Variants in EPHA5 observed in about 807,000 individuals in gnomAD.
EPHA5 encodes ephrin type-A receptor 5.
Under a neutral mutation model 105.0 loss-of-function variants are expected in EPHA5, and 60 were observed. The ratio of observed to expected loss-of-function variants is 0.57; its 90% CI spans 0.46 to 0.71. The LOEUF (loss-of-function observed/expected upper bound fraction) is 0.71, where lower values mean the gene tolerates loss of function less well. EPHA5 is among the 30% of genes least tolerant of loss of function. The pLI, the probability that EPHA5 is intolerant of heterozygous loss-of-function variation, is 0.00. For missense variants in EPHA5, 1,218 were observed against 1,274.7 expected, an observed-to-expected ratio of 0.96 and a Z score of 0.68; for synonymous variants, 513 against 449.1, an observed-to-expected ratio of 1.14 and a Z score of -1.80.
intron 3 of EPHA5, among the ~76,000 whole-genome samples, chr4:65,547,682 T>G (rs531791678): frequency 2.6e-4 from 39 of 152,228 alleles, no homozygotes; most frequent in African/African-American, 9.1e-4. Context: ...TGAGAAACTT[T>G]CCCTAGGAGT....
chr4:65,334,807 G>GA (rs1721015683), intron 15 of EPHA5, among the ~76,000 whole-genome samples: 1 of 130,940 alleles, frequency 7.6e-6, no homozygotes, highest in African/African-American at 2.8e-5. Flanking sequence ...TAGAACATAA[G>GA]TTTTTTTTTA....
intron 2 of EPHA5, among the ~76,000 whole-genome samples, chr4:65,641,134 T>C (rs746156470): frequency 1.2e-4 from 19 of 152,142 alleles, no homozygotes; most frequent in Non-Finnish European, 2.2e-4. Context: ...TTCTCTGAAA[T>C]TGAGGCTGGG....
intron 5 of EPHA5, among the ~76,000 whole-genome samples, chr4:65,481,780 A>T (rs555580962): frequency 3.3e-5 from 5 of 152,342 alleles, no homozygotes; most frequent in Admixed American, 6.5e-5. Context: ...AAAGGATTTT[A>T]ATTCAAGCTG....
intron 2 of EPHA5, among the ~76,000 whole-genome samples, chr4:65,627,368 G>GT (rs1746244889): frequency 6.6e-6 from 1 of 152,158 alleles, no homozygotes; most frequent in South Asian, 2.1e-4. Context: ...AATGCTGCAA[G>GT]TAGAGAAATC....
At chr4:65,572,763 G>T (rs1178683847) in intron 3 of EPHA5, among the ~76,000 whole-genome samples, 1 of 152,196 alleles carries the variant, frequency 6.6e-6, no homozygotes, top group Non-Finnish European at 1.5e-5. Context: ...GGGCGTGGTG[G>T]CTCACGCCTA....
chr4:65,620,065 T>A (rs1745577987), intron 2 of EPHA5, among the ~76,000 whole-genome samples: 1 of 148,410 alleles, frequency 6.7e-6, no homozygotes, highest in Non-Finnish European at 1.5e-5. Context: ...TTCTTTGGAA[T>A]CTACACCAAA....
chr4:65,600,348 G>C (rs756762185), intron 3 of EPHA5, among the ~76,000 whole-genome samples: 31 of 152,032 alleles, frequency 2.0e-4, no homozygotes, highest in Non-Finnish European at 3.8e-4. Flanking sequence ...TACTTGTGTA[G>C]ATATAAAATC....
At chr4:65,492,714 T>A (rs926667550) in intron 4 of EPHA5, among the ~76,000 whole-genome samples, 1 of 152,140 alleles carries the variant, frequency 6.6e-6, no homozygotes, top group Admixed American at 6.5e-5. Context: ...TGTATTTGCT[T>A]TGCTTTACTA....
rs1433867734 is a variant in EPHA5, at chr4:65,321,511, T to G, written c.*2603A>C. ...TCTTTTTTAGGGAGAGTACTTGTTG[T>G]TTGACAGTCTCTTTATTCATTCTAA... On this transcript the variant is annotated 3_prime_UTR_variant, in exon 17 of 17. Transcript: ENST00000613740. 8.7e-6 allele frequency: 2 copies of G among 228,988 alleles called. No individual in the cohort carries two copies. Among genetic ancestry groups the G allele is most frequent in the Non-Finnish European group, 1.7e-5 (2 of 115,360 alleles). 14.2% of individuals were successfully genotyped at this position (228,988 alleles called of 1,614,324 possible).
chr4:65,455,625 G>C (rs545445260), intron 5 of EPHA5, among the ~76,000 whole-genome samples: 1 of 151,964 alleles, frequency 6.6e-6, no homozygotes. Context: ...TCTGAACTTT[G>C]TTTCTATTTC....
chr4:65,441,183 A>G (rs1282021738), intron 5 of EPHA5, among the ~76,000 whole-genome samples: 2 of 152,030 alleles, frequency 1.3e-5, no homozygotes, highest in East Asian at 3.9e-4. Flanking sequence ...TACCATCAGC[A>G]CCTTTAATAA....
At chr4:65,541,798 T>A (rs1465072682) in intron 3 of EPHA5, among the ~76,000 whole-genome samples, 1 of 152,010 alleles carries the variant, frequency 6.6e-6, no homozygotes, top group Non-Finnish European at 1.5e-5. Flanking sequence ...TACATTCTTC[T>A]CAGTGCCACA....
chr4:65,609,697 T>C (rs1304561945), intron 2 of EPHA5, among the ~76,000 whole-genome samples: 1 of 151,874 alleles, frequency 6.6e-6, no homozygotes, highest in Non-Finnish European at 1.5e-5. Context: ...GTATGGATCC[T>C]TTCCTCATTA....
chr4:65,591,844 T>G (rs1455300240), intron 3 of EPHA5, among the ~76,000 whole-genome samples: 1 of 151,186 alleles, frequency 6.6e-6, no homozygotes, highest in Non-Finnish European at 1.5e-5. Flanking sequence ...TAACTAATAC[T>G]TTTTTAGATA....
intron 16 of EPHA5, among the ~76,000 whole-genome samples, chr4:65,328,009 C>A (rs1162109558): frequency 6.6e-6 from 1 of 150,968 alleles, no homozygotes; most frequent in African/African-American, 2.4e-5. Context: ...GGAAATGGTA[C>A]AAGGTATGCA....
At position 65,587,734 on chromosome 4, in the gene EPHA5, C is replaced by G. The variant is rs569959585; in HGVS notation, c.910+13907G>C. On this transcript the variant is annotated intron_variant, in intron 3 of 16. Coordinates refer to ENST00000613740, the MANE Select transcript of EPHA5 (RefSeq NM_001281766.3). Reference sequence around the variant, plus strand: ...TCTTACGCATTCTTTGCTTTGCTCACTCAGTCTTGCTTTGCTTATTTGTTC... The same window carrying G: ...TCTTACGCATTCTTTGCTTTGCTCAGTCAGTCTTGCTTTGCTTATTTGTTC... Among the ~76,000 whole-genome samples, 33 of 152,272 alleles carry G rather than the reference C, an allele frequency of 2.2e-4. 1 individual carries two copies. The highest frequency in any genetic ancestry group is 7.2e-4 in the African/African-American group (30 of 41,566).
chr4:65,631,968 CCAAGAA>C (rs1746677042), intron 2 of EPHA5, among the ~76,000 whole-genome samples: 1 of 151,304 alleles, frequency 6.6e-6, no homozygotes, highest in Non-Finnish European at 1.5e-5. Context: ...CAAACAGAAA[CCAAGAA>C]CAAGAACAAG....
chr4:65,361,700 T>C (rs1008455456), intron 11 of EPHA5, among the ~76,000 whole-genome samples: 1 of 151,752 alleles, frequency 6.6e-6, no homozygotes, highest in Non-Finnish European at 1.5e-5. Context: ...TAGTTGGATG[T>C]TCTATCTCTG....
intron 11 of EPHA5, among the ~76,000 whole-genome samples, chr4:65,362,483 T>A (rs1311991327): frequency 6.6e-6 from 1 of 151,716 alleles, no homozygotes; most frequent in Non-Finnish European, 1.5e-5. Context: ...TCATATGGAA[T>A]AAAAAGTAAA....
Sources: allele counts gnomAD v4.1 joint callset (sites outside exome capture counted in the v4.1 genomes callset), GRCh38; gene constraint gnomAD v4.1.1; transcripts MANE v1.5; gene names NCBI Gene and HGNC (gene_info 2026-07-23, HGNC 2026-07-21).